FAT3: variants seen among roughly 807,000 people sequenced by gnomAD.
FAT3 encodes FAT atypical cadherin 3.
FAT3 carries 95 observed loss-of-function variants against 310.2 expected under a neutral mutation model. The observed-to-expected ratio is 0.31, with a 90% CI of 0.26 to 0.36. FAT3 has a LOEUF of 0.36. Ranked by LOEUF, FAT3 falls within the 10% of genes least tolerant of loss-of-function variation. The probability of loss-of-function intolerance (pLI) is 1.00; values close to 1 mark genes in which losing one functional copy is unlikely to be tolerated. For synonymous variants in FAT3, 2,314 were observed against 2,192.9 expected, an observed-to-expected ratio of 1.06 and a Z score of -1.54; for missense variants, 5,408 against 5,715.6, an observed-to-expected ratio of 0.95 and a Z score of 1.74.
intron 3 of FAT3, among the ~76,000 whole-genome samples, chr11:92,614,813 T>C (rs1224637242): frequency 6.6e-6 from 1 of 152,260 alleles, no homozygotes; most frequent in Admixed American, 6.5e-5. Context: ...GATTTAATCT[T>C]ATATTTTCTT....
intron 2 of FAT3, among the ~76,000 whole-genome samples, chr11:92,389,405 T>A (rs1488774126): frequency 6.6e-6 from 1 of 152,206 alleles, no homozygotes; most frequent in Non-Finnish European, 1.5e-5. Flanking sequence ...ATAAACACCT[T>A]GACTTGATGT....
At chr11:92,321,374 T>C (rs1361170222) in intron 1 of FAT3, among the ~76,000 whole-genome samples, 1 of 151,848 alleles carries the variant, frequency 6.6e-6, no homozygotes, top group Non-Finnish European at 1.5e-5. Context: ...GAGGCGGAGC[T>C]TGCAGTGAGC....
intron 4 of FAT3, 133 bp downstream of exon 4, chr11:92,697,578 A>C: frequency 1.1e-6 from 1 of 916,278 alleles, no homozygotes; most frequent in Non-Finnish European, 1.7e-6. Context: ...TTGGGCTGCT[A>C]TGTTCTGAAT....
At chr11:92,550,020 T>C (rs1428421191) in intron 3 of FAT3, among the ~76,000 whole-genome samples, 1 of 152,066 alleles carries the variant, frequency 6.6e-6, no homozygotes, top group Non-Finnish European at 1.5e-5. Flanking sequence ...AATGGAAGAG[T>C]TAGGATTAAT....
intron 19 of FAT3, among the ~76,000 whole-genome samples, chr11:92,849,954 G>T (rs974828862): frequency 2.6e-5 from 4 of 152,166 alleles, no homozygotes; most frequent in Non-Finnish European, 1.5e-5. Flanking sequence ...GGAGGGATAA[G>T]GTAGGATAGG....
chr11:92,692,890 A>T (rs1943835851), intron 3 of FAT3, among the ~76,000 whole-genome samples: 1 of 152,244 alleles, frequency 6.6e-6, no homozygotes, highest in African/African-American at 2.4e-5. Context: ...ACTTAAAGAA[A>T]ATGTGAATGT....
At chr11:92,875,171 A>G (rs1334663094) in intron 22 of FAT3, among the ~76,000 whole-genome samples, 1 of 150,378 alleles carries the variant, frequency 6.6e-6, no homozygotes, top group Non-Finnish European at 1.5e-5. Context: ...TCACTAAAAA[A>G]AAAATCTGAC....
intron 9 of FAT3, among the ~76,000 whole-genome samples, chr11:92,794,429 T>C (rs1259351767): frequency 6.6e-6 from 1 of 152,228 alleles, no homozygotes; most frequent in Non-Finnish European, 1.5e-5. Flanking sequence ...TTATTTCTAC[T>C]TTTCTTACCA....
At chr11:92,238,599 T>C (rs1864535689) in intron 1 of FAT3, among the ~76,000 whole-genome samples, 2 of 152,088 alleles carry the variant, frequency 1.3e-5, no homozygotes, top group South Asian at 4.1e-4. Flanking sequence ...TTCATCTTTG[T>C]TTACCTAGGA....
chr11:92,283,862 A>G (rs183857565), intron 1 of FAT3, among the ~76,000 whole-genome samples: 1 of 152,078 alleles, frequency 6.6e-6, no homozygotes, highest in Admixed American at 6.6e-5. Flanking sequence ...CAAACACCTT[A>G]AATTTTAGAA....
intron 4 of FAT3, among the ~76,000 whole-genome samples, chr11:92,735,571 TAGATAG>T (rs1945319330): frequency 1.4e-5 from 2 of 138,248 alleles, no homozygotes; most frequent in South Asian, 4.2e-4. Flanking sequence ...GATAGATAGA[TAGATAG>T]ATAGATAGAT....
At chr11:92,434,085 G>A (rs1343980163) in intron 2 of FAT3, among the ~76,000 whole-genome samples, 1 of 151,810 alleles carries the variant, frequency 6.6e-6, no homozygotes, top group Non-Finnish European at 1.5e-5. Context: ...GCTGATCAGA[G>A]GAGAAGAGTG....
chr11:92,885,100 G>A (rs573484067), intron 24 of FAT3, among the ~76,000 whole-genome samples: 6 of 152,316 alleles, frequency 3.9e-5, no homozygotes, highest in East Asian at 3.9e-4. Flanking sequence ...TAGATGTATA[G>A]TGAGCCTGAT....
intron 3 of FAT3, among the ~76,000 whole-genome samples, chr11:92,656,583 CT>C (rs910705996): frequency 1.3e-5 from 2 of 152,050 alleles, no homozygotes; most frequent in Non-Finnish European, 2.9e-5. Context: ...ATTAGTTCTG[CT>C]TTTTTTTGCC....
At chr11:92,420,443 G>T (rs1389721061) in intron 2 of FAT3, among the ~76,000 whole-genome samples, 2 of 152,058 alleles carry the variant, frequency 1.3e-5, no homozygotes, top group Non-Finnish European at 2.9e-5. Context: ...CTTAGTTCAG[G>T]GGGACATTCT....
At chr11:92,377,132 C>T (rs1026407292) in intron 2 of FAT3, among the ~76,000 whole-genome samples, 1 of 152,198 alleles carries the variant, frequency 6.6e-6, no homozygotes, top group South Asian at 2.1e-4. Flanking sequence ...AAACCCAATA[C>T]AGGCTCATGC....
At chr11:92,692,452 ATGT>A (rs1943823191) in intron 3 of FAT3, among the ~76,000 whole-genome samples, 1 of 152,160 alleles carries the variant, frequency 6.6e-6, no homozygotes, top group South Asian at 2.1e-4. Flanking sequence ...TTAGAGCAAA[ATGT>A]TGTGTGCTGC....
chr11:92,658,914 A>G (rs1942674441), intron 3 of FAT3, among the ~76,000 whole-genome samples: 1 of 136,686 alleles, frequency 7.3e-6, no homozygotes, highest in Non-Finnish European at 1.7e-5. Flanking sequence ...TATTGTCATC[A>G]TCGTCATTAT....
chr11:92,563,207 G>T (rs1161657643), intron 3 of FAT3, among the ~76,000 whole-genome samples: 1 of 151,978 alleles, frequency 6.6e-6, no homozygotes, highest in Non-Finnish European at 1.5e-5. Flanking sequence ...ATTGGCTTCT[G>T]GGTAGCTACT....
Sources: allele counts gnomAD v4.1 joint callset (sites outside exome capture counted in the v4.1 genomes callset), GRCh38; gene constraint gnomAD v4.1.1; transcripts MANE v1.5; gene names NCBI Gene and HGNC (gene_info 2026-07-23, HGNC 2026-07-21).